NRAP: variants seen among roughly 807,000 people sequenced by gnomAD.
The protein encoded by NRAP is nebulin-related-anchoring protein.
NRAP carries 189 observed loss-of-function variants against 225.9 expected under a neutral mutation model. The observed-to-expected ratio is 0.84, with a 90% CI of 0.74 to 0.94. The LOEUF is 0.94. Ranked by LOEUF, NRAP falls within the 40% of genes least tolerant of loss-of-function variation. The pLI, the probability that NRAP is intolerant of heterozygous loss-of-function variation, is 0.00. For missense variants in NRAP, 2,176 were observed against 2,168.7 expected, an observed-to-expected ratio of 1.00 and a Z score of -0.07; for synonymous variants, 769 against 790.7, an observed-to-expected ratio of 0.97 and a Z score of 0.46.
At chr10:113,635,491 G>A (rs573049418) in intron 14 of NRAP, among the ~76,000 whole-genome samples, 55 of 152,356 alleles carry the variant, frequency 3.6e-4, no homozygotes, top group African/African-American at 1.1e-3. Flanking sequence ...GCAGTGGCAC[G>A]ATCTCAGCTC....
At chr10:113,624,654 C>G (rs777824197) in intron 22 of NRAP, among the ~76,000 whole-genome samples, 172 bp downstream of exon 22, 4 of 152,312 alleles carry the variant, frequency 2.6e-5, no homozygotes, top group Admixed American at 6.5e-5. Context: ...CTCCTCTCCC[C>G]CTAAAACACT....
chr10:113,596,857 G>A (rs886242109), intron 37 of NRAP, among the ~76,000 whole-genome samples: 10 of 152,004 alleles, frequency 6.6e-5, no homozygotes, highest in Middle Eastern at 3.2e-3. Context: ...TATCCTCCCC[G>A]AAACCCCAAC....
rs1415458191 is a variant in NRAP, at chr10:113,614,859, A to T, written c.3166T>A (p.Ser1056Thr). ...DALPFQAAKA[S>T]GEIISDYKYK... ...CTCACATCACTTATGATTTCACCAGAAGCCTTTGCTGCTTGGAATGGAAGG... is the reference window on the plus strand; with the variant it reads ...CTCACATCACTTATGATTTCACCAGTAGCCTTTGCTGCTTGGAATGGAAGG... The change falls in exon 28 of 42, where the codon TCT becomes ACT. Residue 1056 changes from serine to threonine, a missense_variant. Physicochemically the swap from Ser to Thr is moderately conservative, Grantham distance 58. This residue lies in a region of NRAP where 1,708 missense variants were observed against 1,695.5 expected (regional missense o/e 1.01). Coordinates refer to ENST00000359988, the MANE Select transcript of NRAP (RefSeq NM_198060.4). 6.2e-7 allele frequency: 1 copy of T among 1,606,906 alleles called. No homozygotes were observed. Among genetic ancestry groups the T allele is most frequent in the South Asian group, 1.1e-5 (1 of 90,948 alleles).
At chr10:113,635,009 T>A (rs1350100449) in intron 14 of NRAP, among the ~76,000 whole-genome samples, 2 of 152,128 alleles carry the variant, frequency 1.3e-5, no homozygotes, top group Non-Finnish European at 2.9e-5. Context: ...AGCACTTTCG[T>A]AGAAGATGCA....
In NRAP at chr10:113,614,302, G is replaced by A; in HGVS notation, c.3187-6C>T. 2 of 1,580,032 alleles carry A rather than the reference G, an allele frequency of 1.3e-6. No individual in the cohort carries two copies. The highest frequency in any genetic ancestry group is 1.1e-5 in the South Asian group (1 of 90,344). ...AATGCCTCTTTGTATTTGTACTAAA[G>A]GGAAAGAGAGCGGGAGAGAGGAACA... is the stretch of plus-strand genomic sequence containing the variant. On this transcript the variant is annotated splice_region_variant and splice_polypyrimidine_tract_variant and intron_variant, in intron 28 of 41. Coordinates refer to ENST00000359988, the MANE Select transcript of NRAP (RefSeq NM_198060.4).
At chr10:113,594,961 G>A (rs1396646451) in intron 38 of NRAP, among the ~76,000 whole-genome samples, 1 of 152,228 alleles carries the variant, frequency 6.6e-6, no homozygotes, top group Non-Finnish European at 1.5e-5. Context: ...TTTTGATTCT[G>A]CCGTCTCTCT....
At position 113,610,517 on chromosome 10, in the gene NRAP, A is replaced by G. The variant is rs1847264960; in HGVS notation, c.3545T>C (p.Val1182Ala). 6.2e-7 allele frequency: 1 copy of G among 1,603,882 alleles called. No homozygotes were observed. The highest frequency in any genetic ancestry group is 1.1e-5 in the South Asian group (1 of 90,904). ...DLNFMRGVAC[V>A]IPGTLEIEGR... ...TTCAATCTCTAACGTGCCTGGAATG[A>G]CACATGCAACACCTCGCATAAAGTT... Residue 1182 changes from valine to alanine, a missense_variant, in exon 31 of 42, where the codon GTC (valine) becomes GCC (alanine). By Grantham distance (64) the Val-to-Ala change is moderately conservative. Around this residue, in one of 3 missense-constraint regions of NRAP, gnomAD observed 1,708 missense variants for 1,695.5 expected, o/e 1.01. Transcript: ENST00000359988.
At chr10:113,645,464 A>G (rs1050645665) in intron 11 of NRAP, among the ~76,000 whole-genome samples, 4 of 152,108 alleles carry the variant, frequency 2.6e-5, no homozygotes, top group African/African-American at 9.7e-5. Context: ...GTTGTCCAGG[A>G]TGGAGTGCAA....
rs746917952 is a variant in NRAP at position 113,650,042 on chromosome 10, C to CAT, written c.881_882dup (p.Gly295MetfsTer21). 1 of 1,564,362 alleles carries CAT rather than the reference C, an allele frequency of 6.4e-7. No individual in the cohort carries two copies. The highest frequency in any genetic ancestry group is 2.2e-5 in the East Asian group (1 of 44,660). On this transcript the variant is annotated frameshift_variant, in exon 9 of 42. Transcript: ENST00000359988. LOFTEE classifies it high-confidence loss of function. ...GAGATCATTTTATCACATACCTGGC[C>CAT]ATATTGGTCTGCACATTCCCTTGTC... is the stretch of plus-strand genomic sequence containing the variant.
chr10:113,663,473 C>T, intron 1 of NRAP, 27 bp from the exon 2 acceptor site: 1 of 1,373,982 alleles, frequency 7.3e-7, no homozygotes, highest in Non-Finnish European at 1.0e-6. Flanking sequence ...GAAGATTTAG[C>T]AATTACCCTT....
intron 14 of NRAP, among the ~76,000 whole-genome samples, chr10:113,638,119 AAT>A (rs1443785698): frequency 6.6e-6 from 1 of 152,230 alleles, no homozygotes; most frequent in East Asian, 1.9e-4. Context: ...ATTATCTCAT[AAT>A]AGAGTCTATT....
At chr10:113,663,231 A>T in intron 2 of NRAP, 121 bp downstream of exon 2, 1 of 666,106 alleles carries the variant, frequency 1.5e-6, no homozygotes, top group Non-Finnish European at 2.7e-6. Context: ...ACAAGGGAAC[A>T]CTTTGGGAGA....
At chr10:113,611,935 G>A (rs1847353946) in intron 30 of NRAP, among the ~76,000 whole-genome samples, 1 of 152,178 alleles carries the variant, frequency 6.6e-6, no homozygotes, top group Non-Finnish European at 1.5e-5. Flanking sequence ...TAACTTCTCT[G>A]CATTTCACTG....
At chr10:113,598,104 G>A (rs200167773) in intron 35 of NRAP, 31 bp from the exon 36 acceptor site, 86 of 1,371,156 alleles carry the variant, frequency 6.3e-5, no homozygotes, top group South Asian at 1.4e-4. Context: ...GGCTTTATCA[G>A]GAGAGTGCTT....
Position 113,612,443 on chromosome 10 carries a change from G to A in NRAP, c.3301-12C>T, listed in dbSNP as rs1214197702. 6.2e-7 allele frequency: 1 copy of A among 1,611,050 alleles called. No homozygotes were observed. ...TTCTTGTAATTCACCTAGAGGGGCA[G>A]ACAGAGCAACAGCAGCTATTTCAAA... On this transcript the variant is annotated splice_polypyrimidine_tract_variant and intron_variant, in intron 29 of 41. Coordinates refer to ENST00000359988, the MANE Select transcript of NRAP (RefSeq NM_198060.4).
Position 113,589,719 on chromosome 10 carries a change from G to C in NRAP, c.5035C>G (p.Arg1679Gly). The change falls in exon 41 of 42, where the codon CGG becomes GGG. Residue 1679 changes from arginine to glycine, a missense_variant. Arg to Gly is a moderately radical substitution (Grantham distance 125, BLOSUM62 -2). Transcript: ENST00000359988. ...PPGSYKVEMA[R>G]RAAELANARG... is the part of the protein sequence containing the mutation. Reference sequence around the variant, plus strand: ...GCGTTGGCCAGTTCCGCAGCCCGCCGAGCCATTTCCACTTTGTAGGAGCCA... The same window carrying C: ...GCGTTGGCCAGTTCCGCAGCCCGCCCAGCCATTTCCACTTTGTAGGAGCCA... 2.5e-6 allele frequency: 4 copies of C among 1,614,146 alleles called. No homozygotes were observed. The highest frequency in any genetic ancestry group is 2.5e-6 in the Non-Finnish European group (3 of 1,180,026).
At chr10:113,642,681 A>T (rs1171753514) in intron 12 of NRAP, among the ~76,000 whole-genome samples, 1 of 152,168 alleles carries the variant, frequency 6.6e-6, no homozygotes, top group Non-Finnish European at 1.5e-5. Flanking sequence ...TGCTGCACAC[A>T]AGGGAAGCAA....
At chr10:113,628,791 T>C (rs191455646) in intron 20 of NRAP, 126 bp downstream of exon 20, 7 of 617,524 alleles carry the variant, frequency 1.1e-5, no homozygotes, top group Non-Finnish European at 2.9e-6. Flanking sequence ...TGAAATGAAG[T>C]ACTCCCACTT....
At chr10:113,601,757 T>A (rs931257143) in intron 35 of NRAP, among the ~76,000 whole-genome samples, 3 of 152,224 alleles carry the variant, frequency 2.0e-5, no homozygotes. Context: ...TTTGTTTTTT[T>A]CCTTCTTCCT....
Sources: allele counts gnomAD v4.1 joint callset (sites outside exome capture counted in the v4.1 genomes callset), GRCh38; gene constraint gnomAD v4.1.1; regional missense constraint gnomAD v4.1.1; transcripts MANE v1.5; gene names NCBI Gene and HGNC (gene_info 2026-07-23, HGNC 2026-07-21).